ARFGEF1: variants seen among roughly 807,000 people sequenced by gnomAD.
The protein encoded by ARFGEF1 is brefeldin A-inhibited guanine nucleotide-exchange protein 1.
ARFGEF1 carries 42 observed loss-of-function variants against 231.0 expected under a neutral mutation model. The ratio of observed to expected loss-of-function variants is 0.18; its 90% CI spans 0.14 to 0.24. ARFGEF1 has a LOEUF of 0.24. ARFGEF1 is among the 10% of genes least tolerant of loss of function. The pLI, the probability that ARFGEF1 is intolerant of heterozygous loss-of-function variation, is 1.00. For missense variants in ARFGEF1, 1,345 were observed against 2,192.0 expected (o/e 0.61, Z 7.72); for synonymous variants, 710 against 732.3 (o/e 0.97, Z 0.49).
At position 67,225,034 on chromosome 8, in the gene ARFGEF1, C is replaced by T; in HGVS notation, c.4078-1G>A. 6.3e-7 allele frequency: 1 copy of T among 1,584,718 alleles called. No homozygotes were observed. The highest frequency in any genetic ancestry group is 8.6e-7 in the Non-Finnish European group (1 of 1,168,518). Reference sequence around the variant, plus strand: ...CATCGCTTGTGTATTCCTTGAAAGCCTTCAAGAAAAAAGGTAGGGTTATTA... The same window carrying T: ...CATCGCTTGTGTATTCCTTGAAAGCTTTCAAGAAAAAAGGTAGGGTTATTA... On this transcript the variant is annotated splice_acceptor_variant, in intron 28 of 38. Coordinates refer to ENST00000262215, the MANE Select transcript of ARFGEF1 (RefSeq NM_006421.5). LOFTEE classifies it high-confidence loss of function.
chr8:67,292,257 G>A, intron 5 of ARFGEF1, 134 bp from the exon 6 acceptor site: 1 of 747,452 alleles, frequency 1.3e-6, no homozygotes, highest in South Asian at 1.9e-5. Flanking sequence ...ATCAGAAATG[G>A]AGAACATAAA....
chr8:67,311,665 C>T (rs1459458625), intron 1 of ARFGEF1, among the ~76,000 whole-genome samples: 118 of 151,964 alleles, frequency 7.8e-4, no homozygotes, highest in African/African-American at 2.7e-3. Flanking sequence ...AGGTGAGGGG[C>T]GCCTCTGCCC....
intron 1 of ARFGEF1, among the ~76,000 whole-genome samples, chr8:67,326,929 T>C (rs1807859957): frequency 6.6e-6 from 1 of 152,216 alleles, no homozygotes; most frequent in Admixed American, 6.5e-5. Flanking sequence ...GAGAAAGGTC[T>C]TGACTTGAAG....
chr8:67,335,598 T>G (rs1808308315), intron 1 of ARFGEF1, among the ~76,000 whole-genome samples: 1 of 152,220 alleles, frequency 6.6e-6, no homozygotes, highest in Non-Finnish European at 1.5e-5. Context: ...TATATTTTTA[T>G]TATTTCTTAG....
chr8:67,300,862 A>C (rs1196100820), intron 3 of ARFGEF1, among the ~76,000 whole-genome samples: 2 of 151,812 alleles, frequency 1.3e-5, no homozygotes, highest in South Asian at 2.1e-4. Flanking sequence ...AAAAAAAAAA[A>C]AAACAGCAGA....
intron 7 of ARFGEF1, among the ~76,000 whole-genome samples, chr8:67,283,364 TTAAA>T (rs1805617521): frequency 6.6e-6 from 1 of 152,146 alleles, no homozygotes; most frequent in Non-Finnish European, 1.5e-5. Flanking sequence ...AGGAGATTAT[TTAAA>T]TAAATTATGG....
At chr8:67,270,583 A>C (rs1439881645) in intron 10 of ARFGEF1, among the ~76,000 whole-genome samples, 1 of 152,126 alleles carries the variant, frequency 6.6e-6, no homozygotes, top group Admixed American at 6.5e-5. Flanking sequence ...AAACCATACA[A>C]CATCACAACC....
rs3837216 is a variant in ARFGEF1, at chr8:67,211,624, T to TA, written c.4687-10dup. On this transcript the variant is annotated splice_polypyrimidine_tract_variant and intron_variant, in intron 33 of 38. Transcript: ENST00000262215. ...TTCTGTGATATTGTATCCTAATAAA[T>TA]AAAAAAAAAATCACTGTAAGTATGG... 3,137 of 1,327,582 alleles carry TA rather than the reference T, an allele frequency of 2.4e-3. No homozygotes were observed. The highest frequency in any genetic ancestry group is 5.2e-3 in the South Asian group (314 of 60,150). The allele number at this position is 1,327,582 out of a possible 1,614,324, so 82.2% of individuals were successfully genotyped here.
At chr8:67,188,792 TTGTTCC>T (rs1835392394) in intron 5 of ARFGEF1, among the ~76,000 whole-genome samples, 1 of 152,198 alleles carries the variant, frequency 6.6e-6, no homozygotes, top group African/African-American at 2.4e-5. Flanking sequence ...AGGCTTGCCA[TTGTTCC>T]TGCACGGCTA....
At chr8:67,325,160 A>C (rs1807776596) in intron 1 of ARFGEF1, among the ~76,000 whole-genome samples, 1 of 151,446 alleles carries the variant, frequency 6.6e-6, no homozygotes, top group South Asian at 2.1e-4. Flanking sequence ...TGATCCACCC[A>C]CCTCAGCCTC....
At chr8:67,236,097 T>C (rs1349647928) in intron 22 of ARFGEF1, among the ~76,000 whole-genome samples, 2 of 150,686 alleles carry the variant, frequency 1.3e-5, no homozygotes, top group Non-Finnish European at 3.0e-5. Context: ...GAGTTCAAGA[T>C]CAACCTGGCC....
intron 14 of ARFGEF1, among the ~76,000 whole-genome samples, chr8:67,260,760 C>G (rs1325483826): frequency 6.6e-6 from 1 of 152,200 alleles, no homozygotes; most frequent in Non-Finnish European, 1.5e-5. Context: ...GTGAGGAAGG[C>G]ATGTCAAAAG....
At chr8:67,223,454 C>T (rs1839269903) in intron 29 of ARFGEF1, among the ~76,000 whole-genome samples, 1 of 152,108 alleles carries the variant, frequency 6.6e-6, no homozygotes, top group African/African-American at 2.4e-5. Flanking sequence ...TCCCAAAGTG[C>T]TGGGATTACA....
In ARFGEF1 at chr8:67,218,136, T is replaced by G; in HGVS notation, c.4341A>C (p.Lys1447Asn). ...NMKLPEQQTE[K>N]AEWMTTTCNH... ...TGCAAGTTGTTGTCATCCATTCAGC[T>G]TTCTGGGGAAAAAAGTCATTAATGA... is the stretch of plus-strand genomic sequence containing the variant. The change falls in exon 31 of 39, where the codon AAA (lysine) becomes AAC (asparagine). Residue 1447 changes from lysine to asparagine, a missense_variant and splice_region_variant. Coordinates refer to ENST00000262215, the MANE Select transcript of ARFGEF1 (RefSeq NM_006421.5). The G allele has an allele frequency of 6.9e-7, 1 of 1,441,524 alleles. No individual in the cohort carries two copies. 89.3% of individuals were successfully genotyped at this position (1,441,524 alleles called of 1,614,324 possible). A position where few individuals can be genotyped will look rare whatever the true frequency, so the allele number is the denominator to read the frequency against.
In ARFGEF1 at chr8:67,257,911, C is replaced by T. The variant is rs559612259; in HGVS notation, c.2442-95G>A. 2.5e-6 allele frequency: 3 copies of T among 1,222,998 alleles called. No individual in the cohort carries two copies. In the East Asian group the frequency reaches 7.0e-5, roughly 29 times the overall value. The allele number at this position is 1,222,998 out of a possible 1,614,324, so 75.8% of individuals were successfully genotyped here. A position where few individuals can be genotyped will look rare whatever the true frequency, so the allele number is the denominator to read the frequency against. On this transcript the variant is annotated intron_variant, in intron 16 of 38. Coordinates refer to ENST00000262215, the MANE Select transcript of ARFGEF1 (RefSeq NM_006421.5). ...CAAATCCCATAGCACTTTTATTTCTCTAAGTATCTCACATTACAATTTTTT... is the reference window on the plus strand; with the variant it reads ...CAAATCCCATAGCACTTTTATTTCTTTAAGTATCTCACATTACAATTTTTT...
Position 67,343,506 on chromosome 8 carries a change from G to A in ARFGEF1, c.-219C>T. 7 of 1,242,040 alleles carry A rather than the reference G, an allele frequency of 5.6e-6. No individual in the cohort carries two copies. Among genetic ancestry groups the A allele is most frequent in the Non-Finnish European group, 7.1e-6 (7 of 988,132 alleles). The allele number at this position is 1,242,040 out of a possible 1,614,324, so 76.9% of individuals were successfully genotyped here. ...AGGTCCTCGCCGCCCCCAAGAAGCC[G>A]TACCTCGAGGGCCGCGCCCGTCGGG... On this transcript the variant is annotated 5_prime_UTR_variant, in exon 1 of 39. It adds an upstream start codon to the 5' untranslated region. Coordinates refer to ENST00000262215, the MANE Select transcript of ARFGEF1 (RefSeq NM_006421.5).
chr8:67,269,951 C>T (rs902065390), intron 10 of ARFGEF1, among the ~76,000 whole-genome samples: 5 of 152,078 alleles, frequency 3.3e-5, no homozygotes, highest in African/African-American at 4.8e-5. Flanking sequence ...ATTTTACTGT[C>T]GGTAAACAGT....
intron 22 of ARFGEF1, among the ~76,000 whole-genome samples, chr8:67,235,689 T>G (rs1351866953): frequency 6.6e-6 from 1 of 152,002 alleles, no homozygotes; most frequent in Non-Finnish European, 1.5e-5. Flanking sequence ...GGGACAGGCT[T>G]TTACTTTAGT....
downstream of ARFGEF1, chr8:67,174,638 G>GC (rs1045125656): frequency 6.6e-6 from 1 of 152,356 alleles, no homozygotes; most frequent in African/African-American, 2.4e-5. Context: ...AGTGGTGGGT[G>GC]CTTGTAGTCC....
Sources: allele counts gnomAD v4.1 joint callset (sites outside exome capture counted in the v4.1 genomes callset), GRCh38; gene constraint gnomAD v4.1.1; transcripts MANE v1.5; gene names NCBI Gene and HGNC (gene_info 2026-07-23, HGNC 2026-07-21).